REC114: variants seen among roughly 807,000 people sequenced by gnomAD.
REC114 encodes the protein meiotic recombination protein REC114.
REC114 carries 27 observed loss-of-function variants against 31.3 expected under a neutral mutation model. That is an observed-to-expected ratio of 0.86 (90% CI 0.64 to 1.19). The LOEUF (loss-of-function observed/expected upper bound fraction) is 1.19. Among genes scored for constraint, REC114 ranks in the 50% most tolerant of loss-of-function variants. REC114 has a pLI of 0.00. For missense variants in REC114, 344 were observed against 326.9 expected (o/e 1.05, Z -0.40); for synonymous variants, 134 against 127.7 (o/e 1.05, Z -0.33).
intron 1 of REC114, among the ~76,000 whole-genome samples, chr15:73,462,753 C>T (rs560427146): frequency 3.3e-5 from 5 of 151,956 alleles, no homozygotes; most frequent in East Asian, 1.9e-4. Flanking sequence ...GGCATGGTAG[C>T]GGGCACCTGT....
intron 2 of REC114, among the ~76,000 whole-genome samples, chr15:73,499,513 G>A (rs907244835): frequency 7.2e-5 from 11 of 152,128 alleles, no homozygotes; most frequent in African/African-American, 2.4e-4. Flanking sequence ...CTTTATTACC[G>A]TTACCTCAGT....
chr15:73,533,542 C>A (rs1037899601), intron 2 of REC114, among the ~76,000 whole-genome samples: 1 of 151,482 alleles, frequency 6.6e-6, no homozygotes, highest in Non-Finnish European at 1.5e-5. Flanking sequence ...TAAAGCAAGT[C>A]CTGAGTGACC....
At chr15:73,524,999 T>C (rs1349393472) in intron 2 of REC114, among the ~76,000 whole-genome samples, 1 of 152,230 alleles carries the variant, frequency 6.6e-6, no homozygotes, top group East Asian at 1.9e-4. Flanking sequence ...TTTACCAGTA[T>C]GATCCTAAAG....
In REC114 at chr15:73,559,931, A is replaced by ATAT. The variant is rs1479646674; in HGVS notation, c.*16_*18dup. The ATAT allele has an allele frequency of 3.2e-6, 5 of 1,569,672 alleles. No individual in the cohort carries two copies. In the African/African-American group the frequency reaches 7.0e-5, roughly 22 times the overall value. On this transcript the variant is annotated 3_prime_UTR_variant, in exon 6 of 6. Coordinates refer to ENST00000331090, the MANE Select transcript of REC114 (RefSeq NM_001042367.2). ...TGAGAAATTAATGCTCTATATACAT[A>ATAT]TATAACTAAGGAACTTCAAAGTATT...
At chr15:73,534,382 T>A (rs1327373691) in intron 2 of REC114, among the ~76,000 whole-genome samples, 1 of 152,112 alleles carries the variant, frequency 6.6e-6, no homozygotes, top group Non-Finnish European at 1.5e-5. Flanking sequence ...CAAACTACCA[T>A]CAGGGAATAC....
Position 73,468,629 on chromosome 15 carries a change from T to C in REC114, c.160-5203T>C, listed in dbSNP as rs1404804794. ...AGAAGTGGTGAAAGTGGACATCTTG[T>C]CTTGTTTCTTATCTTAGGGAGAAAG... On this transcript the variant is annotated intron_variant, in intron 1 of 5. Transcript: ENST00000331090. 2.6e-5 allele frequency among the ~76,000 whole-genome samples: 4 copies of C among 152,078 alleles called. No homozygotes were observed. In the East Asian group the frequency reaches 7.7e-4, roughly 29 times the overall value.
chr15:73,447,944 G>A (rs979117773), intron 1 of REC114, among the ~76,000 whole-genome samples: 2 of 152,146 alleles, frequency 1.3e-5, no homozygotes, highest in African/African-American at 4.8e-5. Context: ...GTACTGGGAG[G>A]AATGGTGCAC....
chr15:73,504,451 T>C (rs16957944), intron 2 of REC114, among the ~76,000 whole-genome samples: 5,014 of 152,232 alleles, frequency 0.033, 307 homozygotes, highest in African/African-American at 0.11. Context: ...CAACCTACAG[T>C]TCTTTACCAC....
At chr15:73,537,509 C>T (rs572513874) in intron 2 of REC114, among the ~76,000 whole-genome samples, 29 of 152,320 alleles carry the variant, frequency 1.9e-4, no homozygotes, top group East Asian at 9.6e-4. Flanking sequence ...TCAACTCCAG[C>T]GACAGTGGTC....
intron 2 of REC114, among the ~76,000 whole-genome samples, chr15:73,532,376 A>G (rs62015529): frequency 0.52 from 73,957 of 141,430 alleles, 19,551 homozygotes; most frequent in East Asian, 0.56. Flanking sequence ...TCTTAATCCA[A>G]TCTATCATTG....
At chr15:73,546,473 GC>G (rs1249295693) in intron 3 of REC114, among the ~76,000 whole-genome samples, 1 of 151,948 alleles carries the variant, frequency 6.6e-6, no homozygotes, top group African/African-American at 2.4e-5. Flanking sequence ...TCCATAGGGG[GC>G]CAGTTAAATA....
intron 5 of REC114, among the ~76,000 whole-genome samples, chr15:73,558,280 T>G (rs1282622604): frequency 2.0e-5 from 3 of 152,162 alleles, no homozygotes; most frequent in Non-Finnish European, 4.4e-5. Flanking sequence ...AAACATGCTA[T>G]CCACGTAAAG....
chr15:73,492,311 G>A (rs1214078036), intron 2 of REC114, among the ~76,000 whole-genome samples: 1 of 152,036 alleles, frequency 6.6e-6, no homozygotes, highest in Non-Finnish European at 1.5e-5. Flanking sequence ...TATGGGACTT[G>A]TCCATATTAT....
rs2141291755 is a variant in REC114 at position 73,470,118 on chromosome 15, T to G, written c.160-3714T>G. Among the ~76,000 whole-genome samples, 5 of 152,330 alleles carry G rather than the reference T, an allele frequency of 3.3e-5. 1 individual carries two copies. The South Asian group carries it at 1.0e-3, about 32-fold the overall frequency. On this transcript the variant is annotated intron_variant, in intron 1 of 5. Coordinates refer to ENST00000331090, the MANE Select transcript of REC114 (RefSeq NM_001042367.2). ...TAATTGAGGTGTTTACATTTAAATG[T>G]ACTATTATATTTAATATGATTATTG...
At chr15:73,447,476 G>A (rs751477252) in intron 1 of REC114, among the ~76,000 whole-genome samples, 8 of 152,090 alleles carry the variant, frequency 5.3e-5, no homozygotes, top group Middle Eastern at 3.4e-3. Flanking sequence ...GGCCAAGATG[G>A]GTGGATCACT....
rs999644657 is a variant in REC114 at position 73,473,958 on chromosome 15, A to G, written c.249+37A>G. On this transcript the variant is annotated intron_variant, in intron 2 of 5. Transcript: ENST00000331090. ...GCATAACAGTTTAATATGGAAATAC[A>G]TCTTTGTCTTCTTAGCTTTACATGA... 58 of 1,291,744 alleles carry G rather than the reference A, an allele frequency of 4.5e-5. 1 individual carries two copies. Among genetic ancestry groups the G allele is most frequent in the Non-Finnish European group, 6.2e-5 (57 of 915,830 alleles). 80.0% of individuals were successfully genotyped at this position (1,291,744 alleles called of 1,614,324 possible). A position where few individuals can be genotyped will look rare whatever the true frequency, so the allele number is the denominator to read the frequency against.
At chr15:73,554,368 G>C (rs968596153) in intron 4 of REC114, among the ~76,000 whole-genome samples, 13 of 152,146 alleles carry the variant, frequency 8.5e-5, no homozygotes, top group Non-Finnish European at 1.5e-4. Flanking sequence ...CCAAGGTTCT[G>C]GTCATTTTGC....
chr15:73,549,304 C>CTAA (rs1477075313), intron 3 of REC114, among the ~76,000 whole-genome samples: 2 of 152,072 alleles, frequency 1.3e-5, no homozygotes, highest in African/African-American at 4.8e-5. Context: ...TTTGTGGGAT[C>CTAA]TAAAAATCAA....
chr15:73,529,925 A>G (rs1894054442), intron 2 of REC114, among the ~76,000 whole-genome samples: 1 of 152,186 alleles, frequency 6.6e-6, no homozygotes, highest in Non-Finnish European at 1.5e-5. Context: ...ATAACTTTTC[A>G]TGGCATATCA....
Sources: allele counts gnomAD v4.1 joint callset (sites outside exome capture counted in the v4.1 genomes callset), GRCh38; gene constraint gnomAD v4.1.1; transcripts MANE v1.5; gene names NCBI Gene and HGNC (gene_info 2026-07-23, HGNC 2026-07-21).